Variants in NME6 observed in about 807,000 individuals in gnomAD.
NME6 encodes the protein NME/NM23 nucleoside diphosphate kinase 6.
NME6 carries 16 observed loss-of-function variants against 22.2 expected under a neutral mutation model. The ratio of observed to expected loss-of-function variants is 0.72; its 90% CI spans 0.49 to 1.09. The LOEUF (loss-of-function observed/expected upper bound fraction) is 1.09. Ranked by LOEUF, NME6 falls within the 50% of genes least tolerant of loss-of-function variation. The pLI is 0.00. For synonymous variants in NME6, 58 were observed against 85.2 expected (o/e 0.68, Z 1.76); for missense variants, 229 against 239.0 (o/e 0.96, Z 0.28).
chr3:48,298,526 G>A lies in NME6; in HGVS notation c.-7-3C>T. On this transcript the variant is annotated splice_polypyrimidine_tract_variant and splice_region_variant and intron_variant, in intron 1 of 5. Coordinates refer to ENST00000442597, the MANE Select transcript of NME6 (RefSeq NM_001308426.2). Reference sequence around the variant, plus strand: ...GCAAGATTGAGGCCATCTCACTCCTGCCATTAGAGAGCTGTATTAGGAACC... The same window carrying A: ...GCAAGATTGAGGCCATCTCACTCCTACCATTAGAGAGCTGTATTAGGAACC... 3 of 1,594,190 alleles carry A rather than the reference G, an allele frequency of 1.9e-6. No individual in the cohort carries two copies. The highest frequency in any genetic ancestry group is 2.6e-6 in the Non-Finnish European group (3 of 1,170,870).
At chr3:48,292,103 A>G (rs1261482093), downstream of NME6, 1 of 152,210 alleles carries the variant, frequency 6.6e-6, no homozygotes, top group Non-Finnish European at 1.5e-5. Flanking sequence ...CCATTTCCAA[A>G]TATCATCACA....
intron 1 of NME6, 37 bp from the exon 2 acceptor site, chr3:48,298,560 C>G: frequency 6.8e-7 from 1 of 1,475,602 alleles, no homozygotes; most frequent in Non-Finnish European, 9.1e-7. Context: ...CCCTTCAGGA[C>G]GGCACTCCCA....
chr3:48,300,997 G>A (rs753806068), intron 1 of NME6, among the ~76,000 whole-genome samples: 6 of 152,048 alleles, frequency 3.9e-5, no homozygotes, highest in Non-Finnish European at 8.8e-5. Flanking sequence ...GCAGTGAGCC[G>A]AGATCGCGCC....
rs775306661 is a variant in NME6 at position 48,294,802 on chromosome 3, G to T, written c.396C>A (p.Asp132Glu). 4 of 1,613,796 alleles carry T rather than the reference G, an allele frequency of 2.5e-6. No individual in the cohort carries two copies. Among genetic ancestry groups the T allele is most frequent in the Admixed American group, 1.7e-5 (1 of 60,000 alleles). Residue 132 changes from aspartate (D) to glutamate (E), a missense_variant and splice_region_variant, in exon 6 of 6, where the codon GAC becomes GAA. Asp to Glu is a conservative substitution (Grantham distance 45). Transcript: ENST00000442597. ...TCTCTCTGCTGGCTGAAACCACAGA[G>T]TCTGTAAGGGGAGATAAGACAGAGA... ...TDTRNTTHGS[D>E]SVVSASREIA...
chr3:48,298,647 C>G, intron 1 of NME6, 124 bp from the exon 2 acceptor site: 1 of 649,386 alleles, frequency 1.5e-6, no homozygotes, highest in Non-Finnish European at 2.6e-6. Flanking sequence ...AAGAACCTGA[C>G]AGTTTCATCT....
intron 1 of NME6, chr3:48,299,242 T>C (rs2035448366): frequency 2.5e-6 from 1 of 402,014 alleles, no homozygotes; most frequent in African/African-American, 2.0e-5. Flanking sequence ...TAAACCTATA[T>C]AGTCTTATTT....
At chr3:48,301,198 C>A in intron 1 of NME6, 155 bp downstream of exon 1, 1 of 1,441,580 alleles carries the variant, frequency 6.9e-7, no homozygotes, top group Non-Finnish European at 9.4e-7. Flanking sequence ...GCCCTCCAGC[C>A]CCCCGGGCTC....
chr3:48,294,999 G>A lies in NME6; in HGVS notation c.394+76C>T, dbSNP rs531346902. On this transcript the variant is annotated intron_variant, in intron 5 of 5. Coordinates refer to ENST00000442597, the MANE Select transcript of NME6 (RefSeq NM_001308426.2). ...CAAATGGAAGAAAGCTCACTGGAGG[G>A]ACCTGGCTGTCAACTCTACCACACA... 152 of 1,528,532 alleles carry A rather than the reference G, an allele frequency of 9.9e-5. No homozygotes were observed. The African/African-American group carries it at 1.9e-3, about 19-fold the overall frequency. The allele number at this position is 1,528,532 out of a possible 1,614,324, so 94.7% of individuals were successfully genotyped here.
Position 48,296,812 on chromosome 3 carries a change from A to C in NME6, c.108T>G (p.Ile36Met). The C allele has an allele frequency of 6.2e-7, 1 of 1,613,290 alleles. No homozygotes were observed. The highest frequency in any genetic ancestry group is 1.1e-5 in the South Asian group (1 of 91,072). The change falls in exon 3 of 6, where the codon ATT (isoleucine) becomes ATG (methionine). Residue 36 changes from isoleucine to methionine, a missense_variant. Physicochemically the swap from Ile to Met is conservative, Grantham distance 10. Coordinates refer to ENST00000442597, the MANE Select transcript of NME6 (RefSeq NM_001308426.2). ...GTACAATCAGGAACTTGTTGCTTAG[A>C]ATCTGCTGATGAACAGCCTGAATAA... ...PLILEAVHQQILSNKFLIVRM... is the reference protein window; with the variant it reads ...PLILEAVHQQMLSNKFLIVRM...
downstream of NME6, among the ~76,000 whole-genome samples, chr3:48,289,590 GCTC>G (rs1313180886): frequency 2.6e-5 from 4 of 152,130 alleles, no homozygotes; most frequent in Non-Finnish European, 4.4e-5. Context: ...TCTCCTGGCT[GCTC>G]CTCCCTTACA....
At chr3:48,290,082 A>G (rs1403299848), downstream of NME6, among the ~76,000 whole-genome samples, 1 of 150,592 alleles carries the variant, frequency 6.6e-6, no homozygotes, top group Admixed American at 6.6e-5. Flanking sequence ...TTTTTTTTTG[A>G]GACGGGATCT....
At chr3:48,295,341 C>T in intron 4 of NME6, 106 bp from the exon 5 acceptor site, 1 of 1,291,168 alleles carries the variant, frequency 7.7e-7, no homozygotes, top group South Asian at 1.5e-5. Context: ...GAGAGTTTTC[C>T]TGCCTTTCCA....
At chr3:48,290,094 G>A (rs112039650), downstream of NME6, among the ~76,000 whole-genome samples, 11 of 150,788 alleles carry the variant, frequency 7.3e-5, no homozygotes, top group African/African-American at 1.7e-4. Flanking sequence ...ACGGGATCTC[G>A]CTGTCACCCA....
chr3:48,301,311 A>G, intron 1 of NME6, 42 bp downstream of exon 1: 2 of 1,594,984 alleles, frequency 1.3e-6, no homozygotes, highest in Non-Finnish European at 8.5e-7. Context: ...ATTCTGGGTC[A>G]TTCGGAGCCC....
downstream of NME6, among the ~76,000 whole-genome samples, chr3:48,289,142 G>A (rs145297025): frequency 3.0e-4 from 46 of 151,864 alleles, no homozygotes; most frequent in East Asian, 2.7e-3. Context: ...TCAGCTCACC[G>A]CAACCTCCGT....
In NME6 at chr3:48,295,155, A is replaced by G. The variant is rs754197732; in HGVS notation, c.314T>C (p.Phe105Ser). The G allele has an allele frequency of 5.0e-6, 8 of 1,614,184 alleles. No individual in the cohort carries two copies. In the South Asian group the frequency reaches 8.8e-5, roughly 18 times the overall value. Residue 105 changes from phenylalanine to serine, a missense_variant, in exon 5 of 6, where the codon TTC (phenylalanine) becomes TCC (serine). Phe to Ser is a radical substitution (Grantham distance 155, BLOSUM62 -2). Transcript: ENST00000442597. ...ATCTGGGGCCACATGGCGTGCTCGG[A>G]ACACTCTGGTGGGTCCCATGAGCGT... ...WRTLMGPTRVFRARHVAPDSI... is the reference protein window; with the variant it reads ...WRTLMGPTRVSRARHVAPDSI...
intron 4 of NME6, chr3:48,295,747 C>T (rs1006339393): frequency 4.7e-5 from 11 of 233,670 alleles, no homozygotes; most frequent in Non-Finnish European, 9.1e-5. Context: ...CGAAGTTTCA[C>T]TCTTGTTGCC....
downstream of NME6, among the ~76,000 whole-genome samples, chr3:48,288,951 G>C (rs1256631647): frequency 6.6e-6 from 1 of 152,184 alleles, no homozygotes; most frequent in Non-Finnish European, 1.5e-5. Context: ...CACTAGGAGT[G>C]GGTGAGTGGT....
rs1283144850 is a variant in NME6 at position 48,295,238 on chromosome 3, G to A, written c.234-3C>T. ...GGATGTAGGCTCGGATTGGCCCGCT[G>A]TGAACAAAACAAGCACATGTAAAGA... On this transcript the variant is annotated splice_region_variant and splice_polypyrimidine_tract_variant and intron_variant, in intron 4 of 5. Coordinates refer to ENST00000442597, the MANE Select transcript of NME6 (RefSeq NM_001308426.2). 2.5e-6 allele frequency: 4 copies of A among 1,611,388 alleles called. No homozygotes were observed. In the African/African-American group the frequency reaches 5.3e-5, roughly 22 times the overall value.
Sources: gnomAD v4.1 joint callset for allele counts (sites outside exome capture counted in the v4.1 genomes callset) on GRCh38, gnomAD v4.1.1 for gene constraint, MANE v1.5 for transcripts, NCBI Gene and HGNC (gene_info 2026-07-23, HGNC 2026-07-21) for gene names.